ZBTB7C: variants seen among roughly 807,000 people sequenced by gnomAD.
The protein encoded by ZBTB7C is zinc finger and BTB domain containing 7C, also known as zinc finger and BTB domain-containing protein 7C.
A neutral mutation model predicts 25.7 loss-of-function variants in ZBTB7C; 8 were observed. That is an observed-to-expected ratio of 0.31 (90% CI 0.18 to 0.56). The LOEUF is 0.56. ZBTB7C is among the 20% of genes least tolerant of loss of function. ZBTB7C has a pLI of 0.91. For synonymous variants in ZBTB7C, 394 were observed against 369.0 expected (o/e 1.07, Z -0.78); for missense variants, 824 against 855.2 (o/e 0.96, Z 0.46).
intron 3 of ZBTB7C, chr18:48,041,638 C>T (rs2036245508): frequency 1.3e-6 from 1 of 760,408 alleles, no homozygotes; most frequent in African/African-American, 1.9e-5. Flanking sequence ...AATTTCGTGG[C>T]CCATTTTCAG....
chr18:48,279,100 T>C (rs57978257), intron 2 of ZBTB7C, among the ~76,000 whole-genome samples: 147 of 152,224 alleles, frequency 9.7e-4, no homozygotes, highest in African/African-American at 3.5e-3. Flanking sequence ...AAAAAGTCCA[T>C]GGAACCAGCT....
chr18:48,409,419 C>T (rs1382244043), upstream of ZBTB7C: 1 of 146,564 alleles, frequency 6.8e-6, no homozygotes, highest in Non-Finnish European at 1.5e-5. Context: ...GCGGGCAGCT[C>T]CTCCCTCCCC....
chr18:48,136,870 G>C, intron 3 of ZBTB7C: 1 of 787,986 alleles, frequency 1.3e-6, no homozygotes, highest in South Asian at 5.7e-5. Flanking sequence ...CCCGCAGCGC[G>C]TAGCGAGAAT....
chr18:48,099,197 T>A (rs545863001), intron 3 of ZBTB7C, among the ~76,000 whole-genome samples: 18 of 152,344 alleles, frequency 1.2e-4, no homozygotes, highest in African/African-American at 4.3e-4. Context: ...TGAGTGCCTA[T>A]AAAGTGCTTT....
chr18:48,189,378 G>C (rs2042139449), intron 2 of ZBTB7C, among the ~76,000 whole-genome samples: 1 of 151,574 alleles, frequency 6.6e-6, no homozygotes, highest in African/African-American at 2.4e-5. Context: ...TTTTTTTCTT[G>C]GAATGTACTT....
intron 1 of ZBTB7C, among the ~76,000 whole-genome samples, chr18:48,353,880 G>T (rs1307121898): frequency 1.3e-5 from 2 of 152,166 alleles, no homozygotes; most frequent in Non-Finnish European, 2.9e-5. Context: ...AGGCCCAGGA[G>T]GGGGGTCCAA....
At chr18:48,327,943 T>G (rs1447945112) in intron 2 of ZBTB7C, among the ~76,000 whole-genome samples, 1 of 152,112 alleles carries the variant, frequency 6.6e-6, no homozygotes, top group Non-Finnish European at 1.5e-5. Context: ...GCGTAGTGAC[T>G]CATGCCTGTA....
At chr18:48,352,048 C>T (rs1229200597) in intron 1 of ZBTB7C, among the ~76,000 whole-genome samples, 2 of 152,196 alleles carry the variant, frequency 1.3e-5, no homozygotes, top group Admixed American at 6.5e-5. Context: ...AGGGTCCCCT[C>T]TTCCAGGAAG....
intron 1 of ZBTB7C, among the ~76,000 whole-genome samples, chr18:48,345,082 A>C (rs1267899086): frequency 2.0e-5 from 3 of 152,196 alleles, no homozygotes; most frequent in African/African-American, 7.2e-5. Flanking sequence ...AGCAACCCAG[A>C]TTCTGTTTTT....
chr18:48,079,933 G>T (rs185185078), intron 3 of ZBTB7C, among the ~76,000 whole-genome samples: 1 of 152,224 alleles, frequency 6.6e-6, no homozygotes, highest in East Asian at 1.9e-4. Context: ...GGGACTGCAG[G>T]GCATGGGGCC....
chr18:48,299,198 C>G (rs1049959793), intron 2 of ZBTB7C, among the ~76,000 whole-genome samples: 1 of 152,150 alleles, frequency 6.6e-6, no homozygotes, highest in South Asian at 2.1e-4. Context: ...ACTCTTGGGT[C>G]TGGGAGCTAT....
chr18:48,228,888 A>G (rs556196196), intron 2 of ZBTB7C, among the ~76,000 whole-genome samples: 24 of 151,872 alleles, frequency 1.6e-4, no homozygotes, highest in Middle Eastern at 3.4e-3. Context: ...AGACTTTAAC[A>G]TCAAGGATAT....
Position 48,137,134 on chromosome 18 carries a change from T to C in ZBTB7C, c.-17+48800A>G, listed in dbSNP as rs527877459. 5 of 985,470 alleles carry C rather than the reference T, an allele frequency of 5.1e-6. No homozygotes were observed. In the Admixed American group the frequency reaches 2.5e-4, roughly 48 times the overall value. The allele number at this position is 985,470 out of a possible 1,614,324, so 61.0% of individuals were successfully genotyped here. A position where few individuals can be genotyped will look rare whatever the true frequency, so the allele number is the denominator to read the frequency against. The stretch of plus-strand genomic sequence containing the variant: ...GCCGCAGCCGGCGGGAGGTTGTCAT[T>C]GATTCGTGCTGGGCGAGTTAAGCCA... On this transcript the variant is annotated intron_variant, in intron 3 of 4. Coordinates refer to ENST00000590800, the MANE Select transcript of ZBTB7C (RefSeq NM_001318841.2).
chr18:48,049,086 G>A (rs925562002), intron 3 of ZBTB7C, among the ~76,000 whole-genome samples: 3 of 152,202 alleles, frequency 2.0e-5, no homozygotes, highest in African/African-American at 4.8e-5. Flanking sequence ...CAAGGTCATC[G>A]CCAAAGTCTG....
intron 3 of ZBTB7C, among the ~76,000 whole-genome samples, chr18:48,090,049 C>G (rs2038353796): frequency 6.6e-6 from 1 of 152,256 alleles, no homozygotes; most frequent in Admixed American, 6.5e-5. Flanking sequence ...CCTTCCCACC[C>G]TTGGCCAGAG....
chr18:48,066,533 C>T (rs2037336474), intron 3 of ZBTB7C, among the ~76,000 whole-genome samples: 1 of 152,104 alleles, frequency 6.6e-6, no homozygotes, highest in African/African-American at 2.4e-5. Context: ...GAAGCAGCCA[C>T]AAAATTATAG....
intron 2 of ZBTB7C, among the ~76,000 whole-genome samples, chr18:48,325,985 G>A (rs945185455): frequency 5.3e-5 from 8 of 152,024 alleles, no homozygotes; most frequent in East Asian, 1.9e-4. Context: ...CAAAGGACAC[G>A]GTATCTTGGC....
chr18:48,309,549 C>T (rs1307411726), intron 2 of ZBTB7C, among the ~76,000 whole-genome samples: 1 of 152,136 alleles, frequency 6.6e-6, no homozygotes, highest in African/African-American at 2.4e-5. Context: ...GCATCTCATT[C>T]GTGAGGGAAT....
intron 3 of ZBTB7C, among the ~76,000 whole-genome samples, chr18:48,074,602 A>G (rs2037687516): frequency 6.6e-6 from 1 of 152,204 alleles, no homozygotes; most frequent in Non-Finnish European, 1.5e-5. Flanking sequence ...CCTTTCTTGT[A>G]TGGAGAGGAA....
Sources: allele counts gnomAD v4.1 joint callset (sites outside exome capture counted in the v4.1 genomes callset), GRCh38; gene constraint gnomAD v4.1.1; transcripts MANE v1.5; gene names NCBI Gene and HGNC (gene_info 2026-07-23, HGNC 2026-07-21).